METAP1D: variants seen among roughly 807,000 people sequenced by gnomAD.
METAP1D encodes the protein methionine aminopeptidase 1D, mitochondrial.
Under a neutral mutation model 40.5 loss-of-function variants are expected in METAP1D, and 31 were observed. The ratio of observed to expected loss-of-function variants is 0.77; its 90% CI spans 0.58 to 1.03. The LOEUF is 1.03. Ranked by LOEUF, METAP1D falls within the 50% of genes least tolerant of loss-of-function variation. The probability of loss-of-function intolerance (pLI) is 0.00; values close to 1 mark genes in which losing one functional copy is unlikely to be tolerated. For synonymous variants in METAP1D, 151 were observed against 146.4 expected, an observed-to-expected ratio of 1.03 and a Z score of -0.22; for missense variants, 411 against 420.7, an observed-to-expected ratio of 0.98 and a Z score of 0.20.
At chr2:172,050,701 C>T (rs1689867646) in intron 1 of METAP1D, among the ~76,000 whole-genome samples, 1 of 152,120 alleles carries the variant, frequency 6.6e-6, no homozygotes, top group Non-Finnish European at 1.5e-5. Context: ...AAATTCTTTC[C>T]TATAACTTTG....
chr2:172,062,480 A>G (rs1390624150), intron 2 of METAP1D, among the ~76,000 whole-genome samples: 1 of 152,244 alleles, frequency 6.6e-6, no homozygotes, highest in Admixed American at 6.5e-5. Context: ...GAAGAAAAGA[A>G]AAAGAAATCT....
At chr2:172,033,204 G>C (rs1408218704) in intron 1 of METAP1D, among the ~76,000 whole-genome samples, 1 of 151,754 alleles carries the variant, frequency 6.6e-6, no homozygotes. Context: ...GTAAGTTACA[G>C]AATGTGAGAA....
intron 3 of METAP1D, 98 bp from the exon 4 acceptor site, chr2:172,065,506 T>C: frequency 8.6e-7 from 1 of 1,161,302 alleles, no homozygotes; most frequent in East Asian, 2.4e-5. Context: ...AGTAAATTTA[T>C]ACAGTCTCAC....
At chr2:172,030,051 C>T (rs749870397) in intron 1 of METAP1D, among the ~76,000 whole-genome samples, 3 of 150,820 alleles carry the variant, frequency 2.0e-5, no homozygotes, top group South Asian at 2.1e-4. Flanking sequence ...CCGCTGCACC[C>T]GGCCTTTAAG....
Position 172,081,460 on chromosome 2 carries a change from C to A in METAP1D, c.*1054C>A, listed in dbSNP as rs1690714560. On this transcript the variant is annotated 3_prime_UTR_variant, in exon 10 of 10. Transcript: ENST00000315796. ...GGACTGAAGCTTGCGAGTTGAGCTC[C>A]AGTTCGGCCGGCAGTTCCATCCCGC... 1 of 152,278 alleles carries A rather than the reference C, an allele frequency of 6.6e-6. No homozygotes were observed. The highest frequency in any genetic ancestry group is 2.4e-5 in the African/African-American group (1 of 41,446). 9.4% of individuals were successfully genotyped at this position (152,278 alleles called of 1,614,324 possible). A position where few individuals can be genotyped will look rare whatever the true frequency, so the allele number is the denominator to read the frequency against.
At chr2:172,070,328 A>G (rs866231778) in intron 5 of METAP1D, among the ~76,000 whole-genome samples, 1 of 152,200 alleles carries the variant, frequency 6.6e-6, no homozygotes, top group Non-Finnish European at 1.5e-5. Flanking sequence ...ACTTCTAGAC[A>G]TAGGATTTTT....
intron 5 of METAP1D, chr2:172,070,530 A>G (rs1690397511): frequency 6.5e-6 from 1 of 153,108 alleles, no homozygotes. Context: ...TATGTTAAAT[A>G]CTTTTTGGTT....
intron 1 of METAP1D, among the ~76,000 whole-genome samples, chr2:172,041,067 A>T (rs1303985833): frequency 6.6e-6 from 1 of 152,094 alleles, no homozygotes; most frequent in Non-Finnish European, 1.5e-5. Context: ...CACCTGGCCC[A>T]TTCAGGCCCT....
chr2:172,074,336 A>T (rs1265071850), intron 6 of METAP1D, among the ~76,000 whole-genome samples: 1 of 152,192 alleles, frequency 6.6e-6, no homozygotes, highest in Non-Finnish European at 1.5e-5. Context: ...GCAGATTTTT[A>T]AAAAATAATC....
At chr2:172,000,122 A>G (rs1446102040) in intron 1 of METAP1D, 113 bp downstream of exon 1, 1 of 940,002 alleles carries the variant, frequency 1.1e-6, no homozygotes, top group Non-Finnish European at 1.4e-6. Flanking sequence ...ACACGACTGT[A>G]CTTTCAGTGT....
chr2:172,018,977 C>T (rs1688944175), intron 1 of METAP1D, among the ~76,000 whole-genome samples: 1 of 152,174 alleles, frequency 6.6e-6, no homozygotes, highest in South Asian at 2.1e-4. Flanking sequence ...TTTAAATCCC[C>T]CACTCTTACA....
At position 172,060,493 on chromosome 2, in the gene METAP1D, C is replaced by T. The variant is rs371305298; in HGVS notation, c.41-1005C>T. Among the ~76,000 whole-genome samples the T allele has an allele frequency of 5.0e-4, 75 of 151,246 alleles. No homozygotes were observed. In the East Asian group the frequency reaches 0.011, roughly 22 times the overall value. ...AAGCCACAGAAAGAGCCACTGTTTACAAATATCAATTTCCAGAAATTTTAT... is the reference window on the plus strand; with the variant it reads ...AAGCCACAGAAAGAGCCACTGTTTATAAATATCAATTTCCAGAAATTTTAT... On this transcript the variant is annotated intron_variant, in intron 1 of 9. Coordinates refer to ENST00000315796, the MANE Select transcript of METAP1D (RefSeq NM_199227.3).
chr2:172,034,272 T>G (rs1033842561), intron 1 of METAP1D, among the ~76,000 whole-genome samples: 2 of 152,156 alleles, frequency 1.3e-5, no homozygotes, highest in Non-Finnish European at 2.9e-5. Context: ...TTTGTTACAC[T>G]AATCTACTTT....
intron 4 of METAP1D, 97 bp from the exon 5 acceptor site, chr2:172,066,166 TC>T: frequency 1.1e-6 from 1 of 892,362 alleles, no homozygotes; most frequent in East Asian, 2.6e-5. Flanking sequence ...TATCACTGCA[TC>T]CCATTGGGTT....
chr2:172,022,232 C>A (rs1034535910), intron 1 of METAP1D, among the ~76,000 whole-genome samples: 2 of 152,128 alleles, frequency 1.3e-5, no homozygotes, highest in East Asian at 1.9e-4. Context: ...GTTGAGTCGC[C>A]GGATCCCCAA....
chr2:172,034,496 G>A (rs1270252211), intron 1 of METAP1D, among the ~76,000 whole-genome samples: 1 of 151,796 alleles, frequency 6.6e-6, no homozygotes, highest in Non-Finnish European at 1.5e-5. Flanking sequence ...TTACCACCTG[G>A]TCCGGGTTGT....
At chr2:172,068,852 T>C (rs1690352461) in intron 5 of METAP1D, among the ~76,000 whole-genome samples, 1 of 151,988 alleles carries the variant, frequency 6.6e-6, no homozygotes, top group African/African-American at 2.4e-5. Context: ...CTTCCTTCCT[T>C]CCTTCGTTCC....
intron 1 of METAP1D, among the ~76,000 whole-genome samples, chr2:172,024,920 A>G (rs1194963026): frequency 6.6e-6 from 1 of 152,168 alleles, no homozygotes; most frequent in Admixed American, 6.5e-5. Context: ...AAACTAGAAA[A>G]TCAAGATTTG....
Position 172,079,211 on chromosome 2 carries a change from GCAGCAAACGA to G in METAP1D, c.803_812del (p.Ala268ValfsTer13). 1 of 1,608,936 alleles carries G rather than the reference GCAGCAAACGA, an allele frequency of 6.2e-7. No individual in the cohort carries two copies. Among genetic ancestry groups the G allele is most frequent in the Non-Finnish European group, 8.5e-7 (1 of 1,178,488 alleles). On this transcript the variant is annotated splice_acceptor_variant and splice_polypyrimidine_tract_variant and coding_sequence_variant and intron_variant, in exon 8 of 10. Coordinates refer to ENST00000315796, the MANE Select transcript of METAP1D (RefSeq NM_199227.3). LOFTEE classifies it high-confidence loss of function. ...TCTCACCCCCCATGTTTTTTGTTTT[GCAGCAAACGA>G]CAGTGATCTACCCATGGAGGAGGGC...
Sources: gnomAD v4.1 joint callset for allele counts (sites outside exome capture counted in the v4.1 genomes callset) on GRCh38, gnomAD v4.1.1 for gene constraint, MANE v1.5 for transcripts, NCBI Gene and HGNC (gene_info 2026-07-23, HGNC 2026-07-21) for gene names.